The following ARFIP1 variants were observed in gnomAD, a reference collection of about 807,000 sequenced individuals.
ARFIP1 encodes ARF interacting protein 1.
In ARFIP1, 24 loss-of-function variants were observed where a neutral mutation model predicts 42.5. The observed-to-expected ratio is 0.57, with a 90% CI of 0.41 to 0.80. ARFIP1 has a LOEUF of 0.80. Among genes scored for constraint, ARFIP1 ranks in the 30% least tolerant of loss-of-function variants. The pLI is 0.00. For synonymous variants in ARFIP1, 141 were observed against 153.7 expected, an observed-to-expected ratio of 0.92 and a Z score of 0.61; for missense variants, 354 against 434.0, an observed-to-expected ratio of 0.82 and a Z score of 1.64.
At chr4:152,841,642 T>C (rs1732084878) in intron 2 of ARFIP1, among the ~76,000 whole-genome samples, 1 of 152,214 alleles carries the variant, frequency 6.6e-6, no homozygotes, top group Admixed American at 6.5e-5. Context: ...TTCCTTCATA[T>C]ATGATACTTA....
At chr4:152,841,491 A>G (rs1013490165) in intron 2 of ARFIP1, among the ~76,000 whole-genome samples, 1 of 151,972 alleles carries the variant, frequency 6.6e-6, no homozygotes, top group African/African-American at 2.4e-5. Flanking sequence ...TAGGACCTGT[A>G]TGATTTATGC....
chr4:152,818,317 A>G (rs1210069950), intron 1 of ARFIP1, among the ~76,000 whole-genome samples: 1 of 152,028 alleles, frequency 6.6e-6, no homozygotes, highest in Non-Finnish European at 1.5e-5. Flanking sequence ...CGTGACACAC[A>G]CTCCCACTGG....
intron 2 of ARFIP1, 41 bp from the exon 3 acceptor site, chr4:152,863,564 AT>A (rs138793616): frequency 1.7e-6 from 2 of 1,179,522 alleles, no homozygotes; most frequent in Non-Finnish European, 1.3e-6. Flanking sequence ...GTCATGTGGG[AT>A]TTTTTTACAA....
intron 1 of ARFIP1, among the ~76,000 whole-genome samples, chr4:152,787,506 G>A (rs6848284): frequency 0.38 from 57,798 of 152,106 alleles, 12,050 homozygotes; most frequent in Admixed American, 0.49. Context: ...AAGCATGCCC[G>A]CAAAGGGCAA....
At chr4:152,832,364 C>A (rs1364746972) in intron 2 of ARFIP1, among the ~76,000 whole-genome samples, 2 of 152,166 alleles carry the variant, frequency 1.3e-5, no homozygotes, top group East Asian at 3.8e-4. Flanking sequence ...TTCTTATTGA[C>A]CATTGGAGAT....
chr4:152,835,207 A>G (rs1731555900), intron 2 of ARFIP1, among the ~76,000 whole-genome samples: 1 of 152,180 alleles, frequency 6.6e-6, no homozygotes, highest in African/African-American at 2.4e-5. Flanking sequence ...CCAGCCTGCA[A>G]ATTTTCCAAA....
intron 1 of ARFIP1, among the ~76,000 whole-genome samples, chr4:152,807,613 T>C (rs913650457): frequency 6.6e-6 from 1 of 152,252 alleles, no homozygotes; most frequent in African/African-American, 2.4e-5. Flanking sequence ...TTGTGTTTTC[T>C]TGCTATTGAA....
At chr4:152,829,565 T>C in intron 1 of ARFIP1, 60 bp from the exon 2 acceptor site, 3 of 1,157,762 alleles carry the variant, frequency 2.6e-6, no homozygotes, top group Non-Finnish European at 3.7e-6. Flanking sequence ...ACTATAAACA[T>C]GAATATAGTC....
chr4:152,818,812 C>A (rs1467335096), intron 1 of ARFIP1, among the ~76,000 whole-genome samples: 1 of 152,172 alleles, frequency 6.6e-6, no homozygotes, highest in Non-Finnish European at 1.5e-5. Context: ...ACCTGCCTTG[C>A]CAAGTGCATA....
intron 2 of ARFIP1, among the ~76,000 whole-genome samples, chr4:152,859,290 G>A (rs543072868): frequency 5.4e-4 from 82 of 152,168 alleles, no homozygotes; most frequent in African/African-American, 1.7e-3. Flanking sequence ...TCAAATTCCC[G>A]AGCTCAAGCG....
intron 2 of ARFIP1, among the ~76,000 whole-genome samples, chr4:152,833,696 A>G (rs958499608): frequency 6.6e-6 from 1 of 152,224 alleles, no homozygotes; most frequent in Non-Finnish European, 1.5e-5. Flanking sequence ...TTCAAGCTCT[A>G]TTAAAAAGGA....
At chr4:152,866,338 C>G (rs1578964463) in intron 3 of ARFIP1, among the ~76,000 whole-genome samples, 2 of 152,220 alleles carry the variant, frequency 1.3e-5, no homozygotes, top group African/African-American at 2.4e-5. Flanking sequence ...TTCTATTCCA[C>G]AAAACCGCCA....
intron 1 of ARFIP1, among the ~76,000 whole-genome samples, chr4:152,822,379 A>T (rs1730461065): frequency 6.6e-6 from 1 of 152,042 alleles, no homozygotes; most frequent in Admixed American, 6.5e-5. Context: ...TCCTAAGCAT[A>T]TATGCACCTA....
chr4:152,839,349 G>A lies in ARFIP1; in HGVS notation c.93+9623G>A, dbSNP rs930152098. On this transcript the variant is annotated intron_variant, in intron 2 of 8. Transcript: ENST00000353617. ...TCTCTCTTATGGAATAGTGTCAAAAGGATTGGTACCAATTCTGTGTTGAAT... is the reference window on the plus strand; with the variant it reads ...TCTCTCTTATGGAATAGTGTCAAAAAGATTGGTACCAATTCTGTGTTGAAT... 3.3e-5 allele frequency among the ~76,000 whole-genome samples: 5 copies of A among 152,124 alleles called. 1 individual carries two copies. Among genetic ancestry groups the A allele is most frequent in the Admixed American group, 3.3e-4 (5 of 15,268 alleles).
At chr4:152,806,472 G>T (rs1396945979) in intron 1 of ARFIP1, among the ~76,000 whole-genome samples, 1 of 152,126 alleles carries the variant, frequency 6.6e-6, no homozygotes, top group Non-Finnish European at 1.5e-5. Context: ...TAGGTCCTCT[G>T]CCATTAGAGA....
chr4:152,819,941 G>A (rs57016115), intron 1 of ARFIP1, among the ~76,000 whole-genome samples: 351 of 152,214 alleles, frequency 2.3e-3, no homozygotes, highest in African/African-American at 7.9e-3. Flanking sequence ...CCACATAGGA[G>A]GAGTGCCTTC....
intron 8 of ARFIP1, among the ~76,000 whole-genome samples, chr4:152,897,133 C>T (rs1737407706): frequency 6.6e-6 from 1 of 152,186 alleles, no homozygotes; most frequent in African/African-American, 2.4e-5. Context: ...CAGAAATTAA[C>T]TGTCTTTATA....
At position 152,804,067 on chromosome 4, in the gene ARFIP1, A is replaced by T. The variant is rs868035164; in HGVS notation, c.-10+23841A>T. Among the ~76,000 whole-genome samples, 289 of 107,714 alleles carry T rather than the reference A, an allele frequency of 2.7e-3. 1 individual carries two copies. The highest frequency in any genetic ancestry group is 6.1e-3 in the African/African-American group (174 of 28,482). The allele number at this position is 107,714 out of a possible 152,430, so 70.7% of individuals were successfully genotyped here. On this transcript the variant is annotated intron_variant, in intron 1 of 8. Coordinates refer to ENST00000353617, the MANE Select transcript of ARFIP1 (RefSeq NM_001025595.3). ...TATATTATATATAATATAACATGTA[A>T]TATATATTATATATAATATAACGTA...
intron 8 of ARFIP1, among the ~76,000 whole-genome samples, chr4:152,901,493 G>A (rs1364436826): frequency 2.6e-5 from 4 of 152,306 alleles, no homozygotes; most frequent in Middle Eastern, 3.4e-3. Flanking sequence ...AGATGTTGCC[G>A]TAGTGGTTTT....
Sources: allele counts gnomAD v4.1 joint callset (sites outside exome capture counted in the v4.1 genomes callset), GRCh38; gene constraint gnomAD v4.1.1; transcripts MANE v1.5; gene names NCBI Gene and HGNC (gene_info 2026-07-23, HGNC 2026-07-21).